Variants in XPO6 observed in about 807,000 individuals in gnomAD.
XPO6 encodes exportin 6.
XPO6 carries 3 observed loss-of-function variants against 130.0 expected under a neutral mutation model. That is an observed-to-expected ratio of 0.02 (90% CI 0.01 to 0.06). XPO6 has a LOEUF of 0.06. Among genes scored for constraint, XPO6 ranks in the 10% least tolerant of loss-of-function variants. The pLI is 1.00. For synonymous variants in XPO6, 524 were observed against 548.9 expected (o/e 0.95, Z 0.63); for missense variants, 970 against 1,393.0 (o/e 0.70, Z 4.83).
chr16:28,152,594 T>C, intron 8 of XPO6, 65 bp downstream of exon 8: 1 of 1,548,828 alleles, frequency 6.5e-7, no homozygotes, highest in Non-Finnish European at 8.7e-7. Context: ...AAAAGTTCTT[T>C]CTTCTCAAAG....
At chr16:28,154,945 A>G (rs959520166) in intron 7 of XPO6, among the ~76,000 whole-genome samples, 4 of 152,238 alleles carry the variant, frequency 2.6e-5, no homozygotes, top group African/African-American at 9.6e-5. Context: ...TTCATATGGA[A>G]AGCTATCACC....
At chr16:28,162,475 C>A (rs536252118) in intron 6 of XPO6, among the ~76,000 whole-genome samples, 1 of 152,016 alleles carries the variant, frequency 6.6e-6, no homozygotes, top group Non-Finnish European at 1.5e-5. Flanking sequence ...GGCAGCGATA[C>A]GCACCAATGC....
At chr16:28,167,419 C>A (rs937346236) in intron 5 of XPO6, among the ~76,000 whole-genome samples, 1 of 152,164 alleles carries the variant, frequency 6.6e-6, no homozygotes, top group South Asian at 2.1e-4. Flanking sequence ...CCGACAGACG[C>A]GGCCTTGCTA....
At chr16:28,207,534 TA>T (rs1358135494) in intron 1 of XPO6, among the ~76,000 whole-genome samples, 4 of 152,192 alleles carry the variant, frequency 2.6e-5, no homozygotes, top group Non-Finnish European at 4.4e-5. Flanking sequence ...ACTGCAACTA[TA>T]AATCTTTTTA....
intron 1 of XPO6, among the ~76,000 whole-genome samples, chr16:28,202,924 G>A (rs1411035262): frequency 2.6e-5 from 4 of 152,198 alleles, no homozygotes; most frequent in South Asian, 2.1e-4. Flanking sequence ...TTGAAAATAC[G>A]CATTAAACTG....
intron 6 of XPO6, among the ~76,000 whole-genome samples, chr16:28,160,861 G>A (rs2043267480): frequency 6.6e-6 from 1 of 152,190 alleles, no homozygotes; most frequent in Non-Finnish European, 1.5e-5. Context: ...AAGCCATCAT[G>A]TTAGCATAAC....
At position 28,106,249 on chromosome 16, in the gene XPO6, A is replaced by G; in HGVS notation, c.2613-35T>C. 1 of 1,610,048 alleles carries G rather than the reference A, an allele frequency of 6.2e-7. No individual in the cohort carries two copies. Among genetic ancestry groups the G allele is most frequent in the Non-Finnish European group, 8.5e-7 (1 of 1,176,860 alleles). On this transcript the variant is annotated intron_variant, in intron 19 of 23. Coordinates refer to ENST00000304658, the MANE Select transcript of XPO6 (RefSeq NM_015171.4). The surrounding 1 kb of genome is among the most constrained non-coding windows in gnomAD (Gnocchi z 4.2). ...AGAAAGCCACACAGTGAGCAACCACATGTTTCTCTGGGGGCCAGCATGAAA... is the reference window on the plus strand; with the variant it reads ...AGAAAGCCACACAGTGAGCAACCACGTGTTTCTCTGGGGGCCAGCATGAAA...
chr16:28,102,540 C>T lies in XPO6; in HGVS notation c.2947-595G>A, dbSNP rs150583456. Among the ~76,000 whole-genome samples, 688 of 152,270 alleles carry T rather than the reference C, an allele frequency of 4.5e-3. 7 individuals carry two copies. The highest frequency in any genetic ancestry group is 0.016 in the African/African-American group (668 of 41,554). ...ATCACTGAAGGGTGGGAGTTCAAGACCAGCCTGGCCAACACGGTAAAACCC... is the reference window on the plus strand; with the variant it reads ...ATCACTGAAGGGTGGGAGTTCAAGATCAGCCTGGCCAACACGGTAAAACCC... On this transcript the variant is annotated intron_variant, in intron 21 of 23. Coordinates refer to ENST00000304658, the MANE Select transcript of XPO6 (RefSeq NM_015171.4).
intron 9 of XPO6, among the ~76,000 whole-genome samples, 171 bp downstream of exon 9, chr16:28,145,923 T>C (rs2042974707): frequency 1.3e-5 from 2 of 152,202 alleles, no homozygotes; most frequent in Admixed American, 6.5e-5. Context: ...TTAAAAAGTC[T>C]TAACAAAATA....
At chr16:28,176,967 AG>A (rs2141864295) in intron 3 of XPO6, among the ~76,000 whole-genome samples, 1 of 152,316 alleles carries the variant, frequency 6.6e-6, no homozygotes, top group South Asian at 2.1e-4. Flanking sequence ...GATAACAGGC[AG>A]GGAATAGTTA....
intron 6 of XPO6, among the ~76,000 whole-genome samples, chr16:28,162,163 T>TCATG (rs1177494554): frequency 6.6e-6 from 1 of 152,226 alleles, no homozygotes; most frequent in African/African-American, 2.4e-5. Context: ...AGGACCATGG[T>TCATG]CATGGAAGTC....
chr16:28,147,030 C>T (rs2042996494), intron 8 of XPO6, among the ~76,000 whole-genome samples: 1 of 152,200 alleles, frequency 6.6e-6, no homozygotes, highest in South Asian at 2.1e-4. Flanking sequence ...ATGCTCACTA[C>T]CTGAAAGACT....
rs1238066901 is a variant in XPO6 at position 28,098,520 on chromosome 16, C to G, written c.*18G>C. 3.1e-5 allele frequency: 50 copies of G among 1,599,126 alleles called. No individual in the cohort carries two copies. The highest frequency in any genetic ancestry group is 4.3e-5 in the Non-Finnish European group (50 of 1,170,308). On this transcript the variant is annotated 3_prime_UTR_variant, in exon 24 of 24. Transcript: ENST00000304658. ...AGGTGGCAGCAGCAGAAGTCCGTGT[C>G]CCCAGGCAGTAGCAGGCCTAGAGCT...
chr16:28,144,469 A>G (rs1246515999), intron 9 of XPO6, among the ~76,000 whole-genome samples: 3 of 152,222 alleles, frequency 2.0e-5, no homozygotes, highest in African/African-American at 7.2e-5. Flanking sequence ...GGCCAGCCAC[A>G]GCGTGATCAC....
chr16:28,204,578 T>C (rs1219337499), intron 1 of XPO6, among the ~76,000 whole-genome samples: 1 of 151,904 alleles, frequency 6.6e-6, no homozygotes, highest in East Asian at 1.9e-4. Flanking sequence ...ACAAACCAGC[T>C]TGGATGTCAA....
intron 7 of XPO6, 148 bp from the exon 8 acceptor site, chr16:28,152,933 C>A: frequency 7.4e-7 from 1 of 1,360,474 alleles, no homozygotes; most frequent in Non-Finnish European, 9.4e-7. Context: ...CAATTACCTA[C>A]AGGACAGGCA....
chr16:28,175,261 T>C (rs1489555125), intron 4 of XPO6, among the ~76,000 whole-genome samples: 1 of 151,956 alleles, frequency 6.6e-6, no homozygotes, highest in Non-Finnish European at 1.5e-5. Context: ...CCTGCCTCTT[T>C]CCCTCTCACC....
chr16:28,201,638 C>T (rs570258838), intron 1 of XPO6, among the ~76,000 whole-genome samples: 3 of 152,142 alleles, frequency 2.0e-5, no homozygotes, highest in Admixed American at 6.5e-5. Context: ...GGGTGGATCA[C>T]GAGGTCAGGA....
Position 28,169,917 on chromosome 16 carries a change from G to C in XPO6, c.406-8C>G, listed in dbSNP as rs1327582643. 6.2e-7 allele frequency: 1 copy of C among 1,613,042 alleles called. No homozygotes were observed. On this transcript the variant is annotated splice_polypyrimidine_tract_variant and splice_region_variant and intron_variant, in intron 4 of 23. Coordinates refer to ENST00000304658, the MANE Select transcript of XPO6 (RefSeq NM_015171.4). ...CACAGGGGACTGGATCAACTGCCAG[G>C]AAAAAGCATGTTCTGAGCAGAGTGT...
Sources: gnomAD v4.1 joint callset for allele counts (sites outside exome capture counted in the v4.1 genomes callset) on GRCh38, gnomAD v4.1.1 for gene constraint, Gnocchi (gnomAD v3.1) non-coding constraint, MANE v1.5 for transcripts, NCBI Gene and HGNC (gene_info 2026-07-23, HGNC 2026-07-21) for gene names.